The following JAKMIP1 variants were observed in gnomAD, a reference collection of about 807,000 sequenced individuals.
JAKMIP1 encodes janus kinase and microtubule-interacting protein 1.
JAKMIP1 carries 33 observed loss-of-function variants against 113.0 expected under a neutral mutation model. That is an observed-to-expected ratio of 0.29 (90% CI 0.22 to 0.39). The LOEUF (loss-of-function observed/expected upper bound fraction) is 0.39. Among genes scored for constraint, JAKMIP1 ranks in the 10% least tolerant of loss-of-function variants. The pLI, the probability that JAKMIP1 is intolerant of heterozygous loss-of-function variation, is 1.00. For missense variants in JAKMIP1, 813 were observed against 1,080.5 expected (o/e 0.75, Z 3.47); for synonymous variants, 480 against 459.9 (o/e 1.04, Z -0.56).
chr4:6,048,785 A>G (rs1440826630), intron 16 of JAKMIP1, 72 bp downstream of exon 16: 3 of 1,285,844 alleles, frequency 2.3e-6, no homozygotes, highest in African/African-American at 1.5e-5. Flanking sequence ...GCAAGACGCC[A>G]ATGTACAGTT....
intron 8 of JAKMIP1, among the ~76,000 whole-genome samples, chr4:6,077,904 C>T (rs1398665560): frequency 1.3e-5 from 2 of 152,126 alleles, no homozygotes; most frequent in Non-Finnish European, 2.9e-5. Flanking sequence ...ATCGGTCCAC[C>T]TTCTTATAGC....
intron 18 of JAKMIP1, among the ~76,000 whole-genome samples, chr4:6,038,173 T>G (rs58861713): frequency 6.7e-3 from 416 of 62,312 alleles, no homozygotes; most frequent in Middle Eastern, 0.017. Context: ...CATCACTGAG[T>G]CAGAGGTTAA....
In JAKMIP1 at chr4:6,153,817, T is replaced by C. The variant is rs1378781296; in HGVS notation, c.-147-40820A>G. On this transcript the variant is annotated intron_variant, in intron 1 of 20. Coordinates refer to ENST00000409021, the MANE Select transcript of JAKMIP1 (RefSeq NM_001099433.2). The surrounding 1 kb of genome is among the most constrained non-coding windows in gnomAD (Gnocchi z 4.9). ...CAGTTATATTTTCCCTAATGCACACTAAAGTATTATTAAAATAAATTATGT... is the reference window on the plus strand; with the variant it reads ...CAGTTATATTTTCCCTAATGCACACCAAAGTATTATTAAAATAAATTATGT... 6.6e-6 allele frequency among the ~76,000 whole-genome samples: 1 copy of C among 152,218 alleles called. No homozygotes were observed. Among genetic ancestry groups the C allele is most frequent in the Non-Finnish European group, 1.5e-5 (1 of 68,038 alleles).
At chr4:6,120,608 C>G (rs1420339374) in intron 1 of JAKMIP1, among the ~76,000 whole-genome samples, 1 of 152,220 alleles carries the variant, frequency 6.6e-6, no homozygotes, top group Non-Finnish European at 1.5e-5. Context: ...GAATGTGCTT[C>G]TCATCAGTTC....
chr4:6,053,956 T>C (rs780690683), intron 13 of JAKMIP1, 94 bp downstream of exon 13: 3 of 1,606,764 alleles, frequency 1.9e-6, no homozygotes, highest in Non-Finnish European at 2.6e-6. Context: ...TTACACATGC[T>C]TGAAAACATC....
At chr4:6,165,570 G>C (rs1049817019) in intron 1 of JAKMIP1, among the ~76,000 whole-genome samples, 1 of 152,144 alleles carries the variant, frequency 6.6e-6, no homozygotes, top group Non-Finnish European at 1.5e-5. Context: ...CAAAGTGCTG[G>C]GATTACAGGC....
Position 6,086,485 on chromosome 4 carries a change from C to G in JAKMIP1, c.625-856G>C, listed in dbSNP as rs1560164010. 6.6e-6 allele frequency among the ~76,000 whole-genome samples: 1 copy of G among 151,982 alleles called. No individual in the cohort carries two copies. The highest frequency in any genetic ancestry group is 1.5e-5 in the Non-Finnish European group (1 of 68,014). On this transcript the variant is annotated intron_variant, in intron 3 of 20. Transcript: ENST00000409021. This position sits in a 1 kb window ranked among gnomAD's most constrained non-coding sequence, Gnocchi z 4.1. ...AAACCTGAACTTAATCTTCAGTTCA[C>G]CCCCAGCCCTGTCTTGTCCAGCCTT...
In JAKMIP1 at chr4:6,085,494, C is replaced by A; in HGVS notation, c.760G>T (p.Glu254Ter). ...CTCTTTGGACTACTGTGGTGCCGCT[C>A]GGCCTCCTTGACCTGAACCAGCTGC... ...DEQLVQVKEA[E>*]RHHSSPKREL... The change falls in exon 4 of 21, where the codon GAG becomes TAG. Residue 254 changes from glutamate to a stop codon, truncating the protein, a stop_gained. Coordinates refer to ENST00000409021, the MANE Select transcript of JAKMIP1 (RefSeq NM_001099433.2). LOFTEE classifies it high-confidence loss of function. 2 of 1,614,160 alleles carry A rather than the reference C, an allele frequency of 1.2e-6. No homozygotes were observed. The highest frequency in any genetic ancestry group is 1.7e-6 in the Non-Finnish European group (2 of 1,180,048).
Position 6,080,997 on chromosome 4 carries a change from A to ACACACAC in JAKMIP1, c.1101+605_1101+611dup, listed in dbSNP as rs1042439628. 2.8e-4 allele frequency among the ~76,000 whole-genome samples: 42 copies of ACACACAC among 151,878 alleles called. No homozygotes were observed. The highest frequency in any genetic ancestry group is 1.2e-3 in the East Asian group (6 of 5,162). On this transcript the variant is annotated intron_variant, in intron 6 of 20. Transcript: ENST00000409021. This position sits in a 1 kb window ranked among gnomAD's most constrained non-coding sequence, Gnocchi z 6.0. ...CACAACAGCAATTACACACACACACACACACACACACACACACCTGCATCT... is the reference window on the plus strand; with the variant it reads ...CACAACAGCAATTACACACACACACACACACACCACACACACACACACACCTGCATCT...
intron 3 of JAKMIP1, among the ~76,000 whole-genome samples, chr4:6,087,059 T>G (rs143086199): frequency 0.011 from 1,624 of 152,326 alleles, 30 homozygotes; most frequent in African/African-American, 0.037. Flanking sequence ...GATTATTTGT[T>G]GCGGCAGCTG....
chr4:6,073,784 T>A (rs1185236078), intron 8 of JAKMIP1, among the ~76,000 whole-genome samples: 2 of 152,238 alleles, frequency 1.3e-5, no homozygotes. Flanking sequence ...ACTCCCATAC[T>A]GCTTGGGGCT....
At chr4:6,160,105 C>T (rs1011028822) in intron 1 of JAKMIP1, among the ~76,000 whole-genome samples, 3 of 152,028 alleles carry the variant, frequency 2.0e-5, no homozygotes, top group Non-Finnish European at 2.9e-5. Context: ...ATGCTCCTAA[C>T]GAGGACAGGG....
chr4:6,098,717 A>G (rs1270095463), intron 3 of JAKMIP1, among the ~76,000 whole-genome samples: 2 of 35,278 alleles, frequency 5.7e-5, no homozygotes, highest in African/African-American at 9.8e-5. Flanking sequence ...AGAAAGAAAG[A>G]AAGAAAAAGA....
intron 16 of JAKMIP1, among the ~76,000 whole-genome samples, chr4:6,043,005 A>G (rs1218235323): frequency 6.6e-6 from 1 of 151,906 alleles, no homozygotes; most frequent in African/African-American, 2.4e-5. Flanking sequence ...TCATACGTGG[A>G]TGTGCCTCTA....
chr4:6,032,548 C>A (rs1243202072), intron 19 of JAKMIP1, among the ~76,000 whole-genome samples: 1 of 152,198 alleles, frequency 6.6e-6, no homozygotes, highest in Non-Finnish European at 1.5e-5. Context: ...TTTCATTCAA[C>A]CAATGTCCAC....
chr4:6,129,356 G>T lies in JAKMIP1; in HGVS notation c.-147-16359C>A, dbSNP rs1048062259. Among the ~76,000 whole-genome samples, 4 of 152,222 alleles carry T rather than the reference G, an allele frequency of 2.6e-5. No individual in the cohort carries two copies. Among genetic ancestry groups the T allele is most frequent in the Non-Finnish European group, 5.9e-5 (4 of 68,042 alleles). On this transcript the variant is annotated intron_variant, in intron 1 of 20. Transcript: ENST00000409021. The surrounding 1 kb of genome is among the most constrained non-coding windows in gnomAD (Gnocchi z 5.4). ...CCATTGATATTTAAATGTGGCCTTT[G>T]GCTAAATGGTAAGGTACTGACCATT... is the stretch of plus-strand genomic sequence containing the variant.
chr4:6,033,552 T>A (rs1289092080), intron 19 of JAKMIP1, among the ~76,000 whole-genome samples: 1 of 152,210 alleles, frequency 6.6e-6, no homozygotes, highest in Admixed American at 6.5e-5. Flanking sequence ...CTTCAAGTTG[T>A]GTGTGTTGAT....
intron 1 of JAKMIP1, among the ~76,000 whole-genome samples, chr4:6,151,614 C>T (rs922938643): frequency 1.3e-5 from 2 of 152,224 alleles, no homozygotes; most frequent in African/African-American, 4.8e-5. Flanking sequence ...GTGACCTTCA[C>T]AGCCGCATTT....
intron 12 of JAKMIP1, 136 bp downstream of exon 12, chr4:6,056,560 TG>T (rs2074260603): frequency 1.0e-5 from 7 of 690,886 alleles, no homozygotes; most frequent in Admixed American, 4.3e-5. Flanking sequence ...TCTCTCCTCA[TG>T]GGAGGTGTGC....
Sources: allele counts gnomAD v4.1 joint callset (sites outside exome capture counted in the v4.1 genomes callset), GRCh38; gene constraint gnomAD v4.1.1; non-coding constraint Gnocchi (gnomAD v3.1); transcripts MANE v1.5; gene names NCBI Gene and HGNC (gene_info 2026-07-23, HGNC 2026-07-21).